Variants in RAB40C observed in about 807,000 individuals in gnomAD.
RAB40C encodes ras-related protein Rab-40C.
RAB40C carries 8 observed loss-of-function variants against 28.1 expected under a neutral mutation model. The observed-to-expected ratio is 0.28, with a 90% CI of 0.17 to 0.51. The LOEUF is 0.51. RAB40C is among the 20% of genes least tolerant of loss of function. The pLI is 0.97. For missense variants in RAB40C, 288 were observed against 405.9 expected (o/e 0.71, Z 2.50); for synonymous variants, 201 against 171.7 (o/e 1.17, Z -1.34).
chr16:615,684 G>A (rs758922769), intron 1 of RAB40C, among the ~76,000 whole-genome samples: 80 of 152,314 alleles, frequency 5.3e-4, no homozygotes, highest in East Asian at 3.9e-4. Flanking sequence ...GATGTGGGCC[G>A]GGCACGGTGG....
At chr16:617,356 C>T (rs1409100634) in intron 2 of RAB40C, 88 bp downstream of exon 2, 1 of 1,509,850 alleles carries the variant, frequency 6.6e-7, no homozygotes, top group Non-Finnish European at 9.2e-7. Flanking sequence ...AGGAAGGCGT[C>T]CTGTTTGCAT....
chr16:596,072 C>T (rs913842446), intron 1 of RAB40C, among the ~76,000 whole-genome samples: 10 of 152,256 alleles, frequency 6.6e-5, no homozygotes, highest in South Asian at 2.1e-4. Flanking sequence ...TTGCTCTAAG[C>T]GCTCACAGGC....
At chr16:593,988 C>A (rs2036057943) in intron 1 of RAB40C, among the ~76,000 whole-genome samples, 1 of 152,184 alleles carries the variant, frequency 6.6e-6, no homozygotes, top group Non-Finnish European at 1.5e-5. Flanking sequence ...AGCGAACCTG[C>A]AGTCAGGCTC....
chr16:619,912 C>T (rs550724061), intron 3 of RAB40C, among the ~76,000 whole-genome samples: 4 of 152,184 alleles, frequency 2.6e-5, no homozygotes, highest in African/African-American at 9.7e-5. Context: ...GACGCCAGGG[C>T]GGGCTGGGTC....
chr16:599,238 C>T (rs2151062582), intron 1 of RAB40C, among the ~76,000 whole-genome samples: 1 of 152,402 alleles, frequency 6.6e-6, no homozygotes, highest in Non-Finnish European at 1.5e-5. Context: ...GGAGACCCTT[C>T]TCTGCCTGTG....
intron 1 of RAB40C, among the ~76,000 whole-genome samples, chr16:606,057 G>A (rs2036355042): frequency 6.6e-6 from 1 of 152,226 alleles, no homozygotes; most frequent in African/African-American, 2.4e-5. Flanking sequence ...ATAAATACAG[G>A]GCCGCAATAG....
chr16:626,066 A>C lies in RAB40C; in HGVS notation c.510A>C (p.Leu170=), dbSNP rs751059991. ...NFNVIESFTE[L]SRIVLMRHGM... is the part of the protein sequence containing the mutation. Reference sequence around the variant, plus strand: ...ACGTCATCGAGTCCTTCACGGAGCTATCCCGCATCGTGCTCATGCGGCACG... The same window carrying C: ...ACGTCATCGAGTCCTTCACGGAGCTCTCCCGCATCGTGCTCATGCGGCACG... Residue 170 remains leucine (L), a synonymous_variant, in exon 5 of 6, where the codon CTA becomes CTC. Transcript: ENST00000248139. The C allele has an allele frequency of 1.2e-6, 2 of 1,613,362 alleles. No individual in the cohort carries two copies. The highest frequency in any genetic ancestry group is 4.5e-5 in the East Asian group (2 of 44,866).
At chr16:621,441 C>G (rs1002012218) in intron 3 of RAB40C, among the ~76,000 whole-genome samples, 37 of 152,274 alleles carry the variant, frequency 2.4e-4, no homozygotes, top group Non-Finnish European at 2.9e-5. Context: ...CTGGAAGGTC[C>G]CCGCGGCCTG....
At chr16:598,603 G>A (rs2036184099) in intron 1 of RAB40C, among the ~76,000 whole-genome samples, 1 of 151,414 alleles carries the variant, frequency 6.6e-6, no homozygotes, top group African/African-American at 2.4e-5. Flanking sequence ...TTAGCTGGGT[G>A]TGGTGGTGCA....
intron 1 of RAB40C, among the ~76,000 whole-genome samples, chr16:613,153 G>A (rs962440765): frequency 7.2e-6 from 1 of 138,176 alleles, no homozygotes; most frequent in African/African-American, 2.8e-5. Context: ...AGGGACAGCC[G>A]CCCTGGCCTG....
At chr16:622,564 G>A (rs1178271841) in intron 3 of RAB40C, among the ~76,000 whole-genome samples, 1 of 152,186 alleles carries the variant, frequency 6.6e-6, no homozygotes, top group Non-Finnish European at 1.5e-5. Flanking sequence ...CTGGAGTGCC[G>A]TGGCGCGATC....
chr16:593,622 C>T (rs1437623277), intron 1 of RAB40C, among the ~76,000 whole-genome samples: 5 of 152,216 alleles, frequency 3.3e-5, no homozygotes, highest in African/African-American at 2.4e-5. Context: ...GCGTACATTG[C>T]CCTCTCCAGC....
rs749162107 is a variant in RAB40C, at chr16:590,407, C to T, written c.116C>T (p.Ala39Val). Residue 39 changes from alanine to valine, a missense_variant, in exon 1 of 6, where the codon GCA (alanine) becomes GTA (valine). By Grantham distance (64) the Ala-to-Val change is moderately conservative. Around this residue, in one of 3 missense-constraint regions of RAB40C, gnomAD observed 78 missense variants for 88.2 expected, o/e 0.88. Transcript: ENST00000248139. ...EILESLQDGA[A>V]ESPYAYSNGI... Reference sequence around the variant, plus strand: ...CTGGAGAGCCTGCAGGACGGCGCGGCAGAGTCCCCGTACGCCTACAGTAAC... The same window carrying T: ...CTGGAGAGCCTGCAGGACGGCGCGGTAGAGTCCCCGTACGCCTACAGTAAC... 3 of 1,592,574 alleles carry T rather than the reference C, an allele frequency of 1.9e-6. No homozygotes were observed. The highest frequency in any genetic ancestry group is 1.1e-5 in the South Asian group (1 of 88,858).
rs757405774 is a variant in RAB40C, at chr16:627,404, G to A, written c.628G>A (p.Asp210Asn). The stretch of plus-strand genomic sequence containing the variant: ...CTCCTGCACCCCCGTGCACCTCATC[G>A]ACAAGCTTCCACTGCCCGTCACCAT... ...IVSCTPVHLI[D>N]KLPLPVTIKS... The change falls in exon 6 of 6, where the codon GAC becomes AAC. Residue 210 changes from aspartate to asparagine, a missense_variant. By Grantham distance (23) the Asp-to-Asn change is conservative. Around this residue, in one of 3 missense-constraint regions of RAB40C, gnomAD observed 153 missense variants for 262.4 expected, o/e 0.58. Transcript: ENST00000248139. The A allele has an allele frequency of 3.7e-6, 6 of 1,613,726 alleles. No homozygotes were observed. Among genetic ancestry groups the A allele is most frequent in the Admixed American group, 1.7e-5 (1 of 59,996 alleles).
intron 1 of RAB40C, among the ~76,000 whole-genome samples, chr16:593,778 T>A (rs2036052340): frequency 6.6e-6 from 1 of 152,180 alleles, no homozygotes; most frequent in African/African-American, 2.4e-5. Context: ...GGTTTCTGGA[T>A]CTCTAGGTCT....
intron 3 of RAB40C, among the ~76,000 whole-genome samples, chr16:622,312 T>C (rs1190609276): frequency 6.6e-6 from 1 of 151,660 alleles, no homozygotes; most frequent in Non-Finnish European, 1.5e-5. Flanking sequence ...CAGGCGGGGG[T>C]GCTGGGCCTG....
chr16:597,925 A>C (rs1276567713), intron 1 of RAB40C, among the ~76,000 whole-genome samples: 1 of 105,460 alleles, frequency 9.5e-6, no homozygotes, highest in African/African-American at 3.8e-5. Flanking sequence ...ACACAGTGAG[A>C]CCCCATCTCT....
chr16:604,348 C>A (rs189387288), intron 1 of RAB40C, among the ~76,000 whole-genome samples: 3 of 152,298 alleles, frequency 2.0e-5, no homozygotes, highest in Admixed American at 1.3e-4. Context: ...CAAATACGCA[C>A]GAGGCCTTCT....
rs762779175 is a variant in RAB40C at position 627,567 on chromosome 16, G to A, written c.791G>A (p.Arg264His). ...AGCCTCAAGAGGTCCAAGTCCATCC[G>A]TCCACCCCAGAGCCCCCCCCAGAAC... Reference protein sequence around the residue: ...GNSLKRSKSIRPPQSPPQNCS... With the variant: ...GNSLKRSKSIHPPQSPPQNCS... Residue 264 changes from arginine (R) to histidine (H), a missense_variant, in exon 6 of 6, where the codon CGT becomes CAT. This residue lies in a region of RAB40C where 57 missense variants were observed against 55.3 expected (regional missense o/e 1.03). Transcript: ENST00000248139. 19 of 1,611,934 alleles carry A rather than the reference G, an allele frequency of 1.2e-5. No individual in the cohort carries two copies. The highest frequency in any genetic ancestry group is 1.7e-5 in the Admixed American group (1 of 59,938).
Sources: allele counts gnomAD v4.1 joint callset (sites outside exome capture counted in the v4.1 genomes callset), GRCh38; gene constraint gnomAD v4.1.1; regional missense constraint gnomAD v4.1.1; transcripts MANE v1.5; gene names NCBI Gene and HGNC (gene_info 2026-07-23, HGNC 2026-07-21).